Variants in SLC36A1 observed in about 807,000 individuals in gnomAD.
SLC36A1 encodes the protein proton-coupled amino acid transporter 1.
In SLC36A1, 30 loss-of-function variants were observed where a neutral mutation model predicts 47.5. The ratio of observed to expected loss-of-function variants is 0.63; its 90% CI spans 0.47 to 0.86. The LOEUF (loss-of-function observed/expected upper bound fraction) is 0.86, where lower values mean the gene tolerates loss of function less well. Ranked by LOEUF, SLC36A1 falls within the 40% of genes least tolerant of loss-of-function variation. The pLI, the probability that SLC36A1 is intolerant of heterozygous loss-of-function variation, is 0.00. For missense variants in SLC36A1, 517 were observed against 606.0 expected (o/e 0.85, Z 1.54); for synonymous variants, 255 against 249.7 (o/e 1.02, Z -0.20).
chr5:151,374,574 C>T, the SLC36A1 span, among the ~76,000 whole-genome samples: 79 of 152,260 alleles, frequency 5.2e-4, no homozygotes, highest in East Asian at 0.015. Context: ...AATTTCTTTT[C>T]TTCTGGGTAG....
the SLC36A1 span, among the ~76,000 whole-genome samples, chr5:151,502,858 A>C: frequency 1.3e-5 from 2 of 148,404 alleles, no homozygotes; most frequent in Non-Finnish European, 2.9e-5. Context: ...TGAGAAGGTG[A>C]ATGGGTAAAT....
At chr5:151,544,960 A>G in the SLC36A1 span, 1 of 1,614,148 alleles carries the variant, frequency 6.2e-7, no homozygotes, top group Non-Finnish European at 8.5e-7. Context: ...AGAGACTCTG[A>G]CCAAACCCTG....
chr5:151,515,396 C>G, the SLC36A1 span, among the ~76,000 whole-genome samples: 1,873 of 152,246 alleles, frequency 0.012, 40 homozygotes, highest in African/African-American at 0.043. Context: ...CTTTCAGTAC[C>G]ACGTATGCGC....
chr5:151,360,511 C>T, the SLC36A1 span, among the ~76,000 whole-genome samples: 2 of 151,992 alleles, frequency 1.3e-5, no homozygotes, highest in African/African-American at 4.8e-5. Context: ...GTTAATGGTG[C>T]TGTTTCAGGG....
the SLC36A1 span, among the ~76,000 whole-genome samples, chr5:151,513,810 T>C: frequency 6.6e-6 from 1 of 152,240 alleles, no homozygotes; most frequent in Non-Finnish European, 1.5e-5. Context: ...GAGTTTATTA[T>C]TTCTAAATAA....
At chr5:151,472,874 A>C (rs1213532177) in intron 7 of SLC36A1, among the ~76,000 whole-genome samples, 1 of 152,306 alleles carries the variant, frequency 6.6e-6, no homozygotes, top group South Asian at 2.1e-4. Context: ...TTACTTTTTA[A>C]TAGTGCATAC....
At chr5:151,350,727 A>G in the SLC36A1 span, among the ~76,000 whole-genome samples, 1 of 152,118 alleles carries the variant, frequency 6.6e-6, no homozygotes, top group Non-Finnish European at 1.5e-5. Flanking sequence ...TTTGAAACAG[A>G]GTCTCACTCC....
At chr5:151,478,235 G>T (rs1388383427) in intron 9 of SLC36A1, among the ~76,000 whole-genome samples, 1 of 152,170 alleles carries the variant, frequency 6.6e-6, no homozygotes, top group Non-Finnish European at 1.5e-5. Context: ...TTTCCGACAA[G>T]GGAGGACAAA....
At chr5:151,359,312 A>G in the SLC36A1 span, among the ~76,000 whole-genome samples, 4 of 152,218 alleles carry the variant, frequency 2.6e-5, no homozygotes, top group African/African-American at 7.2e-5. Context: ...TCTCTAATGA[A>G]TCTCTCCTGA....
the SLC36A1 span, among the ~76,000 whole-genome samples, chr5:151,546,731 T>C: frequency 6.6e-5 from 10 of 152,274 alleles, no homozygotes; most frequent in African/African-American, 2.4e-4. Flanking sequence ...AACTTTTTTT[T>C]TTTTTAGAGT....
chr5:151,444,302 G>A (rs1752795297), upstream of SLC36A1, among the ~76,000 whole-genome samples: 1 of 152,072 alleles, frequency 6.6e-6, no homozygotes, highest in African/African-American at 2.4e-5. Context: ...CCATGTGCAT[G>A]GGATATCTTT....
the SLC36A1 span, among the ~76,000 whole-genome samples, chr5:151,514,683 T>C: frequency 6.6e-6 from 1 of 152,226 alleles, no homozygotes; most frequent in Non-Finnish European, 1.5e-5. Flanking sequence ...CTGAGATCCC[T>C]AATGCCTCCC....
chr5:151,538,630 G>T, the SLC36A1 span, among the ~76,000 whole-genome samples: 1 of 152,182 alleles, frequency 6.6e-6, no homozygotes, highest in East Asian at 1.9e-4. Context: ...TGTTGAGTGT[G>T]GGCAAGCATG....
At chr5:151,473,589 G>A in intron 7 of SLC36A1, 84 bp from the exon 8 acceptor site, 2 of 847,610 alleles carry the variant, frequency 2.4e-6, no homozygotes, top group Non-Finnish European at 3.9e-6. Context: ...TAAAAGGTAT[G>A]ACCTCTCCGA....
the SLC36A1 span, chr5:151,553,330 C>G: frequency 2.5e-6 from 4 of 1,614,140 alleles, no homozygotes; most frequent in Non-Finnish European, 3.4e-6. Flanking sequence ...GGGATCCACT[C>G]AATGTGTAGC....
intron 7 of SLC36A1, among the ~76,000 whole-genome samples, chr5:151,470,676 C>T (rs574328443): frequency 1.3e-5 from 2 of 152,274 alleles, no homozygotes; most frequent in African/African-American, 4.8e-5. Context: ...TTTTTGTTGC[C>T]GCTGCCTCTG....
At chr5:151,426,370 A>G in the SLC36A1 span, among the ~76,000 whole-genome samples, 15 of 152,076 alleles carry the variant, frequency 9.9e-5, no homozygotes, top group African/African-American at 2.4e-4. Flanking sequence ...AGGGGGATGT[A>G]GCAGGACTAT....
At chr5:151,468,412 A>C (rs188687149) in intron 7 of SLC36A1, among the ~76,000 whole-genome samples, 42 of 144,846 alleles carry the variant, frequency 2.9e-4, no homozygotes, top group African/African-American at 1.0e-3. Context: ...ATATTATATA[A>C]TGTATGTAAT....
At chr5:151,532,003 G>A in the SLC36A1 span, 5 of 1,608,570 alleles carry the variant, frequency 3.1e-6, no homozygotes, top group African/African-American at 1.3e-5. Flanking sequence ...GATCCACACT[G>A]AGGGCGCCTC....
Sources: gnomAD v4.1 joint callset for allele counts (sites outside exome capture counted in the v4.1 genomes callset) on GRCh38, gnomAD v4.1.1 for gene constraint, MANE v1.5 for transcripts, NCBI Gene and HGNC (gene_info 2026-07-23, HGNC 2026-07-21) for gene names.